PYHIN1: variants seen among roughly 807,000 people sequenced by gnomAD.
The protein encoded by PYHIN1 is pyrin and HIN domain-containing protein 1.
A neutral mutation model predicts 43.7 loss-of-function variants in PYHIN1; 32 were observed. The ratio of observed to expected loss-of-function variants is 0.73; its 90% CI spans 0.55 to 0.98. PYHIN1 has a LOEUF of 0.98. Among genes scored for constraint, PYHIN1 ranks in the 50% least tolerant of loss-of-function variants. The probability of loss-of-function intolerance (pLI) is 0.00; values close to 1 mark genes in which losing one functional copy is unlikely to be tolerated. For missense variants in PYHIN1, 588 were observed against 589.5 expected, an observed-to-expected ratio of 1.00 and a Z score of 0.03; for synonymous variants, 205 against 203.1, an observed-to-expected ratio of 1.01 and a Z score of -0.08.
intron 7 of PYHIN1, among the ~76,000 whole-genome samples, chr1:158,946,684 C>G (rs953630117): frequency 1.3e-5 from 2 of 152,128 alleles, no homozygotes; most frequent in African/African-American, 4.8e-5. Flanking sequence ...AGTTAATAAA[C>G]ACCCATCAGA....
intron 7 of PYHIN1, among the ~76,000 whole-genome samples, chr1:158,967,731 G>T (rs1012862716): frequency 2.0e-5 from 3 of 152,012 alleles, no homozygotes; most frequent in African/African-American, 7.2e-5. Flanking sequence ...GCATAGTACT[G>T]GTACAAAAAC....
chr1:158,979,141 A>T (rs856133), downstream of PYHIN1, among the ~76,000 whole-genome samples: 4 of 152,074 alleles, frequency 2.6e-5, no homozygotes, highest in African/African-American at 4.8e-5. Flanking sequence ...GGCATGTATT[A>T]GAATTTTATG....
At chr1:158,970,212 T>C (rs1426640693) in intron 7 of PYHIN1, among the ~76,000 whole-genome samples, 2 of 152,044 alleles carry the variant, frequency 1.3e-5, no homozygotes, top group Non-Finnish European at 2.9e-5. Flanking sequence ...TTTAAATTAA[T>C]ATTCAACCAA....
chr1:158,933,916 T>C lies in PYHIN1; in HGVS notation c.-21+2140T>C, dbSNP rs146450453. On this transcript the variant is annotated intron_variant, in intron 1 of 8. Transcript: ENST00000368140. The surrounding 1 kb of genome is among the most constrained non-coding windows in gnomAD (Gnocchi z 6.3). ...TTTTTAAAATTTTTTTTTAATTTTC[T>C]ATTGAAAAGTACTTCCAAAAATGTT... 0.021 allele frequency among the ~76,000 whole-genome samples: 3,129 copies of C among 152,246 alleles called. 80 individuals are homozygous for C. Among genetic ancestry groups the C allele is most frequent in the Non-Finnish European group, 0.028 (1,934 of 67,994 alleles).
chr1:158,977,250 A>G (rs1001227982), downstream of PYHIN1, among the ~76,000 whole-genome samples: 1 of 151,990 alleles, frequency 6.6e-6, no homozygotes, highest in African/African-American at 2.4e-5. Flanking sequence ...GGTGAAATCC[A>G]GCCTGTGATT....
intron 7 of PYHIN1, among the ~76,000 whole-genome samples, chr1:158,947,665 A>G (rs904782340): frequency 2.0e-5 from 3 of 152,252 alleles, no homozygotes; most frequent in African/African-American, 4.8e-5. Context: ...CACAGACACC[A>G]AAGAAGGTGC....
chr1:158,982,186 G>A, the PYHIN1 span, among the ~76,000 whole-genome samples: 1,209 of 152,150 alleles, frequency 7.9e-3, 13 homozygotes, highest in African/African-American at 0.028. Context: ...TTTGCTTTTG[G>A]AGTCTTTGTC....
intron 7 of PYHIN1, among the ~76,000 whole-genome samples, chr1:158,972,564 T>C (rs1241083789): frequency 6.6e-6 from 1 of 151,812 alleles, no homozygotes; most frequent in African/African-American, 2.4e-5. Context: ...AATACAAGAG[T>C]GTGTTCCTCT....
intron 7 of PYHIN1, among the ~76,000 whole-genome samples, chr1:158,971,505 T>G (rs761661958): frequency 8.6e-5 from 13 of 151,894 alleles, no homozygotes; most frequent in Non-Finnish European, 1.3e-4. Flanking sequence ...TTGGGAATCC[T>G]GAAGGATTTT....
At chr1:158,941,242 G>A (rs1213080242) in intron 4 of PYHIN1, among the ~76,000 whole-genome samples, 1 of 152,156 alleles carries the variant, frequency 6.6e-6, no homozygotes, top group Admixed American at 6.5e-5. Context: ...TCATTAATGT[G>A]TTCTGCTGCA....
chr1:158,941,974 CA>C lies in PYHIN1; in HGVS notation c.580-2del. 6.3e-7 allele frequency: 1 copy of C among 1,585,582 alleles called. No homozygotes were observed. The highest frequency in any genetic ancestry group is 8.6e-7 in the Non-Finnish European group (1 of 1,168,236). ...TTTTGTATTCCTTTTGTATCATGCG[CA>C]GAGCCTAAAACCATTGGCCAACCGT... On this transcript the variant is annotated splice_acceptor_variant, in intron 4 of 8. Transcript: ENST00000368140. LOFTEE classifies it high-confidence loss of function.
chr1:158,966,498 G>T (rs949843411), intron 7 of PYHIN1, among the ~76,000 whole-genome samples: 1 of 151,990 alleles, frequency 6.6e-6, no homozygotes, highest in African/African-American at 2.4e-5. Context: ...ACAAAATCTA[G>T]CAGTACTTCA....
At chr1:158,957,352 C>G (rs915599918) in intron 7 of PYHIN1, among the ~76,000 whole-genome samples, 1 of 152,028 alleles carries the variant, frequency 6.6e-6, no homozygotes, top group African/African-American at 2.4e-5. Flanking sequence ...TGACTTCAAA[C>G]TATACTACAA....
the PYHIN1 span, among the ~76,000 whole-genome samples, chr1:158,983,253 C>T: frequency 4.6e-5 from 7 of 151,924 alleles, no homozygotes; most frequent in East Asian, 9.6e-4. Flanking sequence ...CAGCTTTTGC[C>T]TATTTGTGAT....
chr1:158,976,092 T>A (rs949612005), intron 8 of PYHIN1, among the ~76,000 whole-genome samples: 7 of 152,134 alleles, frequency 4.6e-5, no homozygotes, highest in African/African-American at 1.7e-4. Context: ...CAAAGGTAGC[T>A]GTCTTTTGTG....
chr1:158,973,870 T>G, intron 8 of PYHIN1, 99 bp downstream of exon 8: 1 of 1,284,504 alleles, frequency 7.8e-7, no homozygotes, highest in Non-Finnish European at 1.1e-6. Flanking sequence ...GACTATATAT[T>G]ATTTCATTAT....
At chr1:158,977,667 G>T (rs1651342207), downstream of PYHIN1, among the ~76,000 whole-genome samples, 1 of 152,078 alleles carries the variant, frequency 6.6e-6, no homozygotes, top group African/African-American at 2.4e-5. Flanking sequence ...TTGGCACCTG[G>T]TGTAATTATT....
At chr1:158,950,836 C>A (rs138276001) in intron 7 of PYHIN1, among the ~76,000 whole-genome samples, 1 of 152,248 alleles carries the variant, frequency 6.6e-6, no homozygotes, top group Non-Finnish European at 1.5e-5. Flanking sequence ...GGCTATTCCA[C>A]ATGTGACAAA....
At chr1:158,940,372 G>A (rs1443125822) in intron 4 of PYHIN1, 1 of 151,468 alleles carries the variant, frequency 6.6e-6, no homozygotes, top group East Asian at 1.9e-4. Flanking sequence ...ACAAAGGGAA[G>A]TGATGGAATA....
Sources: allele counts gnomAD v4.1 joint callset (sites outside exome capture counted in the v4.1 genomes callset), GRCh38; gene constraint gnomAD v4.1.1; non-coding constraint Gnocchi (gnomAD v3.1); transcripts MANE v1.5; gene names NCBI Gene and HGNC (gene_info 2026-07-23, HGNC 2026-07-21).